TTC7A: variants seen among roughly 807,000 people sequenced by gnomAD.
TTC7A encodes tetratricopeptide repeat domain 7A.
A neutral mutation model predicts 103.7 loss-of-function variants in TTC7A; 110 were observed. The ratio of observed to expected loss-of-function variants is 1.06; its 90% CI spans 0.91 to 1.24. The LOEUF is 1.24. Ranked by LOEUF, TTC7A falls within the 50% of genes most tolerant of loss-of-function variation. The probability of loss-of-function intolerance (pLI) is 0.00; values close to 1 mark genes in which losing one functional copy is unlikely to be tolerated. For missense variants in TTC7A, 1,340 were observed against 1,116.3 expected (o/e 1.20, Z -2.86); for synonymous variants, 521 against 467.9 (o/e 1.11, Z -1.47).
chr2:47,073,616 AC>A (rs1456484419), intron 19 of TTC7A, 85 bp from the exon 20 acceptor site: 1 of 1,146,746 alleles, frequency 8.7e-7, no homozygotes, highest in African/African-American at 1.5e-5. Context: ...GGCTGCTGCC[AC>A]CCGTGCACCT....
intron 12 of TTC7A, among the ~76,000 whole-genome samples, chr2:47,022,335 T>C (rs1679382983): frequency 6.6e-6 from 1 of 152,212 alleles, no homozygotes; most frequent in African/African-American, 2.4e-5. Flanking sequence ...CACCTCACAA[T>C]GCTTCCATTC....
chr2:46,954,993 G>C (rs1206126134), intron 2 of TTC7A, among the ~76,000 whole-genome samples: 1 of 152,166 alleles, frequency 6.6e-6, no homozygotes, highest in Non-Finnish European at 1.5e-5. Flanking sequence ...ACCGCCACTA[G>C]CCACACCCCA....
chr2:47,056,354 T>C (rs1027378561), intron 18 of TTC7A, among the ~76,000 whole-genome samples: 3 of 152,310 alleles, frequency 2.0e-5, no homozygotes, highest in Non-Finnish European at 1.5e-5. Context: ...CCTATTTCTC[T>C]CCTGCCCTGT....
intron 8 of TTC7A, among the ~76,000 whole-genome samples, chr2:46,995,594 G>T (rs1459448180): frequency 6.6e-6 from 1 of 152,236 alleles, no homozygotes; most frequent in Non-Finnish European, 1.5e-5. Flanking sequence ...GAGTCAGAAA[G>T]CATGGAATCA....
At chr2:46,997,506 T>A (rs1161235259) in intron 8 of TTC7A, among the ~76,000 whole-genome samples, 1 of 152,178 alleles carries the variant, frequency 6.6e-6, no homozygotes, top group African/African-American at 2.4e-5. Context: ...TACTGTATGT[T>A]CCCATCTTAC....
intron 3 of TTC7A, among the ~76,000 whole-genome samples, chr2:46,963,647 T>A (rs1160317144): frequency 6.6e-6 from 1 of 152,200 alleles, no homozygotes; most frequent in African/African-American, 2.4e-5. Context: ...AGTTGGAAAG[T>A]CACAACAAAA....
At chr2:46,938,034 T>C (rs537584617), upstream of TTC7A, among the ~76,000 whole-genome samples, 8 of 152,264 alleles carry the variant, frequency 5.3e-5, no homozygotes, top group South Asian at 1.7e-3. Context: ...TGGGACTCTT[T>C]TCTCTTTTTG....
intron 11 of TTC7A, among the ~76,000 whole-genome samples, chr2:47,020,640 C>A (rs1283272116): frequency 6.6e-6 from 1 of 152,262 alleles, no homozygotes; most frequent in African/African-American, 2.4e-5. Flanking sequence ...ACAGCCTCTC[C>A]CGCCGTCTCC....
intron 18 of TTC7A, among the ~76,000 whole-genome samples, chr2:47,054,447 C>G (rs997034258): frequency 6.6e-6 from 1 of 152,172 alleles, no homozygotes; most frequent in Non-Finnish European, 1.5e-5. Context: ...ATCACCTCCC[C>G]TCATGATCCA....
chr2:46,959,952 A>G (rs1672228056), intron 3 of TTC7A, among the ~76,000 whole-genome samples: 1 of 152,260 alleles, frequency 6.6e-6, no homozygotes, highest in South Asian at 2.1e-4. Context: ...TAGAAACAAT[A>G]GAAAAACCAC....
At chr2:46,950,229 G>A in intron 1 of TTC7A, 134 bp from the exon 2 acceptor site, 1 of 758,802 alleles carries the variant, frequency 1.3e-6, no homozygotes, top group Non-Finnish European at 2.1e-6. Flanking sequence ...TATGAAAAAT[G>A]TGCCTTTATT....
intron 8 of TTC7A, 57 bp downstream of exon 8, chr2:46,995,256 C>T: frequency 6.3e-7 from 1 of 1,581,224 alleles, no homozygotes; most frequent in South Asian, 1.1e-5. Flanking sequence ...TGGGGAAGGG[C>T]TGTGGGGCCC....
chr2:47,073,576 C>A (rs1324422770), intron 19 of TTC7A, 126 bp from the exon 20 acceptor site: 4 of 795,014 alleles, frequency 5.0e-6, no homozygotes, highest in African/African-American at 3.4e-5. Flanking sequence ...AGTGCCCAAG[C>A]CAGAGACGCG....
intron 2 of TTC7A, among the ~76,000 whole-genome samples, chr2:46,918,788 G>A (rs972155693): frequency 1.3e-5 from 2 of 152,170 alleles, no homozygotes; most frequent in African/African-American, 4.8e-5. Context: ...GCCTTTTTTA[G>A]TAGCTTTCAG....
intron 19 of TTC7A, among the ~76,000 whole-genome samples, chr2:47,067,567 T>C (rs1247530114): frequency 2.6e-5 from 4 of 152,170 alleles, no homozygotes; most frequent in Non-Finnish European, 5.9e-5. Flanking sequence ...GTTTTTAAAA[T>C]GAGTATCAGA....
intron 6 of TTC7A, among the ~76,000 whole-genome samples, chr2:46,993,916 T>A (rs1396258561): frequency 6.6e-6 from 1 of 152,156 alleles, no homozygotes; most frequent in Non-Finnish European, 1.5e-5. Flanking sequence ...TAGTCCTTAG[T>A]TTGTCCAAAC....
chr2:46,943,692 T>C (rs1035921231), intron 1 of TTC7A, among the ~76,000 whole-genome samples: 3 of 152,218 alleles, frequency 2.0e-5, no homozygotes, highest in Admixed American at 6.5e-5. Context: ...GAGCTTGTTC[T>C]TTTTTGGGGT....
chr2:46,921,645 A>G (rs1669108487), intron 2 of TTC7A, among the ~76,000 whole-genome samples: 1 of 152,226 alleles, frequency 6.6e-6, no homozygotes, highest in Admixed American at 6.5e-5. Context: ...GATCTGTAAG[A>G]CAGAAATCCC....
chr2:47,053,649 G>A (rs1683084324), intron 18 of TTC7A, among the ~76,000 whole-genome samples: 1 of 152,082 alleles, frequency 6.6e-6, no homozygotes, highest in Non-Finnish European at 1.5e-5. Context: ...TCAGCTCACT[G>A]CAACCTCCAC....
Sources: gnomAD v4.1 joint callset for allele counts (sites outside exome capture counted in the v4.1 genomes callset) on GRCh38, gnomAD v4.1.1 for gene constraint, MANE v1.5 for transcripts, NCBI Gene and HGNC (gene_info 2026-07-23, HGNC 2026-07-21) for gene names.